Variants in GRK2 observed in about 807,000 individuals in gnomAD.
The protein encoded by GRK2 is G protein-coupled receptor kinase 2, also known as adrenergic beta receptor kinase 1.
GRK2 carries 23 observed loss-of-function variants against 97.8 expected under a neutral mutation model. The ratio of observed to expected loss-of-function variants is 0.24; its 90% CI spans 0.17 to 0.33. The LOEUF (loss-of-function observed/expected upper bound fraction) is 0.33. GRK2 is among the 10% of genes least tolerant of loss of function. The probability of loss-of-function intolerance (pLI) is 1.00; values close to 1 mark genes in which losing one functional copy is unlikely to be tolerated. For missense variants in GRK2, 633 were observed against 956.9 expected (o/e 0.66, Z 4.47); for synonymous variants, 425 against 381.7 (o/e 1.11, Z -1.32).
chr11:67,279,961 T>C (rs1860115219), intron 6 of GRK2, 61 bp downstream of exon 6: 6 of 1,541,364 alleles, frequency 3.9e-6, no homozygotes, highest in Non-Finnish European at 9.0e-7. Context: ...AGAAGGGGTA[T>C]GGCTGGCGTG....
chr11:67,274,354 G>A (rs1306843671), intron 1 of GRK2, among the ~76,000 whole-genome samples: 1 of 151,962 alleles, frequency 6.6e-6, no homozygotes, highest in Non-Finnish European at 1.5e-5. Context: ...CAAGTCTGGG[G>A]CTCAGTGGGG....
intron 6 of GRK2, 44 bp from the exon 7 acceptor site, chr11:67,280,688 C>T (rs776716000): frequency 1.9e-6 from 3 of 1,612,376 alleles, no homozygotes; most frequent in East Asian, 4.5e-5. Flanking sequence ...CATCATCCTT[C>T]CCACATTCTG....
At position 67,282,986 on chromosome 11, in the gene GRK2, G is replaced by A; in HGVS notation, c.1228-142G>A. 2 of 1,161,708 alleles carry A rather than the reference G, an allele frequency of 1.7e-6. No individual in the cohort carries two copies. The highest frequency in any genetic ancestry group is 2.5e-6 in the Non-Finnish European group (2 of 791,028). The allele number at this position is 1,161,708 out of a possible 1,614,324, so 72.0% of individuals were successfully genotyped here. A position where few individuals can be genotyped will look rare whatever the true frequency, so the allele number is the denominator to read the frequency against. ...CATAGGCTCTCGCCCTCCCCGTGCT[G>A]TTGGAGCATGACTGCTGGGCGAGCT... On this transcript the variant is annotated intron_variant, in intron 14 of 20. Coordinates refer to ENST00000308595, the MANE Select transcript of GRK2 (RefSeq NM_001619.5). This position sits in a 1 kb window ranked among gnomAD's most constrained non-coding sequence, Gnocchi z 6.9.
rs1259653164 is a variant in GRK2 at position 67,284,839 on chromosome 11, C to T, written c.1655-8C>T. On this transcript the variant is annotated splice_region_variant and splice_polypyrimidine_tract_variant and intron_variant, in intron 18 of 20. Coordinates refer to ENST00000308595, the MANE Select transcript of GRK2 (RefSeq NM_001619.5). ...GGCCGGCTGAGTCTCCTCTGTCTCTCGCCTCAGACTACGCCCTGGGCAAGG... is the reference window on the plus strand; with the variant it reads ...GGCCGGCTGAGTCTCCTCTGTCTCTTGCCTCAGACTACGCCCTGGGCAAGG... 1.8e-5 allele frequency: 29 copies of T among 1,611,542 alleles called. No homozygotes were observed. Among genetic ancestry groups the T allele is most frequent in the Non-Finnish European group, 1.9e-5 (23 of 1,179,644 alleles).
rs78447768 is a variant in GRK2, at chr11:67,283,307, C to T, written c.1328+79C>T. The T allele has an allele frequency of 4.1e-3, 5,336 of 1,297,190 alleles. 248 individuals carry two copies. The East Asian group carries it at 0.1, about 24-fold the overall frequency. 80.4% of individuals were successfully genotyped at this position (1,297,190 alleles called of 1,614,324 possible). On this transcript the variant is annotated intron_variant, in intron 15 of 20. Transcript: ENST00000308595. ...GGGCTGTGTCCCGTCACCTGGAACC[C>T]CCTCCAAGGTCCCAGCCTCCTTGGA... is the stretch of plus-strand genomic sequence containing the variant.
rs1258800493 is a variant in GRK2, at chr11:67,276,997, A to T, written c.114-275A>T. ...AAAGCCAGCCGGTGGCATCACTGGG[A>T]CGAGACCCCACAGGCGGTGGGCCTC... is the stretch of plus-strand genomic sequence containing the variant. On this transcript the variant is annotated intron_variant, in intron 1 of 20. Transcript: ENST00000308595. The surrounding 1 kb of genome is among the most constrained non-coding windows in gnomAD (Gnocchi z 4.2). 3.0e-6 allele frequency: 1 copy of T among 330,428 alleles called. No homozygotes were observed. The highest frequency in any genetic ancestry group is 5.6e-6 in the Non-Finnish European group (1 of 177,982). 20.5% of individuals were successfully genotyped at this position (330,428 alleles called of 1,614,324 possible).
chr11:67,267,075 C>T (rs977958972), intron 1 of GRK2, among the ~76,000 whole-genome samples: 12 of 152,154 alleles, frequency 7.9e-5, no homozygotes, highest in Non-Finnish European at 1.2e-4. Flanking sequence ...CAGTCGGGTC[C>T]CCCTGGCCGC....
At chr11:67,277,510 G>A (rs1247423099) in intron 2 of GRK2, among the ~76,000 whole-genome samples, 162 bp downstream of exon 2, 1 of 152,262 alleles carries the variant, frequency 6.6e-6, no homozygotes, top group Non-Finnish European at 1.5e-5. Flanking sequence ...CTGCGACCCT[G>A]CGTGCCTCCT....
chr11:67,275,385 G>A (rs569963166), intron 1 of GRK2, among the ~76,000 whole-genome samples: 1 of 152,322 alleles, frequency 6.6e-6, no homozygotes, highest in African/African-American at 2.4e-5. Context: ...CATTCTTCCA[G>A]ACCCTCGGGC....
chr11:67,284,852 G>A lies in GRK2; in HGVS notation c.1660G>A (p.Ala554Thr), dbSNP rs1241275567. 2 of 1,612,468 alleles carry A rather than the reference G, an allele frequency of 1.2e-6. No homozygotes were observed. The highest frequency in any genetic ancestry group is 1.3e-5 in the African/African-American group (1 of 74,910). Residue 554 changes from alanine (A) to threonine (T), a missense_variant, in exon 19 of 21, where the codon GCC (alanine) becomes ACC (threonine). Coordinates refer to ENST00000308595, the MANE Select transcript of GRK2 (RefSeq NM_001619.5). ...TCCTCTGTCTCTCGCCTCAGACTAC[G>A]CCCTGGGCAAGGACTGCATCATGCA... ...NKQLGHEEDY[A>T]LGKDCIMHGY...
At chr11:67,280,584 C>T in intron 6 of GRK2, 148 bp from the exon 7 acceptor site, 2 of 936,640 alleles carry the variant, frequency 2.1e-6, no homozygotes, top group Non-Finnish European at 3.4e-6. Context: ...TCAACATATC[C>T]TTCCTGGAAG....
chr11:67,272,857 C>T (rs1859939542), intron 1 of GRK2, among the ~76,000 whole-genome samples: 2 of 152,246 alleles, frequency 1.3e-5, no homozygotes, highest in Admixed American at 1.3e-4. Context: ...CAGCCCTGGC[C>T]ACAGGCCCCA....
chr11:67,280,224 G>A (rs921622275), intron 6 of GRK2: 47 of 433,540 alleles, frequency 1.1e-4, no homozygotes, highest in African/African-American at 8.2e-4. Flanking sequence ...GGACTGAGAA[G>A]CATCAGAGTC....
chr11:67,283,588 G>A, intron 15 of GRK2, 119 bp from the exon 16 acceptor site: 1 of 973,854 alleles, frequency 1.0e-6, no homozygotes, highest in East Asian at 2.4e-5. Context: ...GAGAGATGAG[G>A]AAACAGCTCA....
At chr11:67,266,859 C>T (rs1335471755) in intron 1 of GRK2, 47 bp downstream of exon 1, 14 of 1,003,760 alleles carry the variant, frequency 1.4e-5, no homozygotes, top group African/African-American at 1.7e-5. Flanking sequence ...GCGGGCGCCC[C>T]GGCCGCGGCC....
In GRK2 at chr11:67,282,995, T is replaced by C; in HGVS notation, c.1228-133T>C. 4 of 1,184,208 alleles carry C rather than the reference T, an allele frequency of 3.4e-6. No homozygotes were observed. The highest frequency in any genetic ancestry group is 1.9e-4 in the Middle Eastern group (1 of 5,194). The allele number at this position is 1,184,208 out of a possible 1,614,324, so 73.4% of individuals were successfully genotyped here. On this transcript the variant is annotated intron_variant, in intron 14 of 20. Coordinates refer to ENST00000308595, the MANE Select transcript of GRK2 (RefSeq NM_001619.5). This position sits in a 1 kb window ranked among gnomAD's most constrained non-coding sequence, Gnocchi z 6.9. Reference sequence around the variant, plus strand: ...TCGCCCTCCCCGTGCTGTTGGAGCATGACTGCTGGGCGAGCTAGGATGCTG... The same window carrying C: ...TCGCCCTCCCCGTGCTGTTGGAGCACGACTGCTGGGCGAGCTAGGATGCTG...
At chr11:67,272,627 G>A (rs970050874) in intron 1 of GRK2, among the ~76,000 whole-genome samples, 7 of 152,210 alleles carry the variant, frequency 4.6e-5, no homozygotes, top group South Asian at 4.1e-4. Context: ...AGCCTGCTCC[G>A]GGAGCAGTAG....
Position 67,286,362 on chromosome 11 carries a change from G to C in GRK2, c.*912G>C. On this transcript the variant is annotated 3_prime_UTR_variant, in exon 21 of 21. Coordinates refer to ENST00000308595, the MANE Select transcript of GRK2 (RefSeq NM_001619.5). ...CAGCCCACGTCCTGTCAGTGCCGCC[G>C]CCTCGCCCACCGCATGCCCCCTCGT... 1 of 697,056 alleles carries C rather than the reference G, an allele frequency of 1.4e-6. No homozygotes were observed. The highest frequency in any genetic ancestry group is 2.6e-6 in the Non-Finnish European group (1 of 382,962). 43.2% of individuals were successfully genotyped at this position (697,056 alleles called of 1,614,324 possible).
chr11:67,281,875 A>G lies in GRK2; in HGVS notation c.880A>G (p.Met294Val), dbSNP rs751186389. 3.1e-6 allele frequency: 5 copies of G among 1,613,428 alleles called. No individual in the cohort carries two copies. The East Asian group carries it at 6.7e-5, about 22-fold the overall frequency. ...SQHGVFSEAD[M>V]RFYAAEIILG... ...GCACGGGGTCTTCTCAGAGGCTGAC[A>G]TGCGCTTCTATGCGGCCGAGATCAT... The change falls in exon 11 of 21, where the codon ATG (methionine) becomes GTG (valine). Residue 294 changes from methionine to valine, a missense_variant. By Grantham distance (21) the Met-to-Val change is conservative. Around this residue, in one of 4 missense-constraint regions of GRK2, gnomAD observed 192 missense variants for 362.3 expected, o/e 0.53. Coordinates refer to ENST00000308595, the MANE Select transcript of GRK2 (RefSeq NM_001619.5). This position sits in a 1 kb window ranked among gnomAD's most constrained non-coding sequence, Gnocchi z 5.7.
Sources: gnomAD v4.1 joint callset for allele counts (sites outside exome capture counted in the v4.1 genomes callset) on GRCh38, gnomAD v4.1.1 for gene constraint, gnomAD v4.1.1 regional missense constraint, Gnocchi (gnomAD v3.1) non-coding constraint, MANE v1.5 for transcripts, NCBI Gene and HGNC (gene_info 2026-07-23, HGNC 2026-07-21) for gene names.